Variants in SH3GL2 observed in about 807,000 individuals in gnomAD.
The protein encoded by SH3GL2 is endophilin-A1.
Under a neutral mutation model 46.0 loss-of-function variants are expected in SH3GL2, and 24 were observed. That is an observed-to-expected ratio of 0.52 (90% confidence interval 0.38 to 0.73). The LOEUF (loss-of-function observed/expected upper bound fraction) is 0.73, where lower values mean the gene tolerates loss of function less well. Ranked by LOEUF, SH3GL2 falls within the 30% of genes least tolerant of loss-of-function variation. SH3GL2 has a pLI of 0.00. For missense variants in SH3GL2, 413 were observed against 424.2 expected, an observed-to-expected ratio of 0.97 and a Z score of 0.23; for synonymous variants, 196 against 147.1, an observed-to-expected ratio of 1.33 and a Z score of -2.40.
At position 17,750,244 on chromosome 9, in the gene SH3GL2, T is replaced by C. The variant is rs564632504; in HGVS notation, c.114+3110T>C. Among the ~76,000 whole-genome samples, 4 of 152,192 alleles carry C rather than the reference T, an allele frequency of 2.6e-5. No homozygotes were observed. The East Asian group carries it at 5.8e-4, about 22-fold the overall frequency. ...TCCCAAGCAGACAGAAGAATTGCCTTTCCATAGTTTGTTTTCTGCTCGTCA... is the reference window on the plus strand; with the variant it reads ...TCCCAAGCAGACAGAAGAATTGCCTCTCCATAGTTTGTTTTCTGCTCGTCA... On this transcript the variant is annotated intron_variant, in intron 2 of 8. Coordinates refer to ENST00000380607, the MANE Select transcript of SH3GL2 (RefSeq NM_003026.5).
At chr9:17,601,362 C>G (rs897124608) in intron 1 of SH3GL2, among the ~76,000 whole-genome samples, 13 of 152,036 alleles carry the variant, frequency 8.6e-5, no homozygotes, top group African/African-American at 3.1e-4. Flanking sequence ...AAGCAGCTTG[C>G]TGCTTTCCAT....
At position 17,659,228 on chromosome 9, in the gene SH3GL2, C is replaced by T. The variant is rs151182774; in HGVS notation, c.45+79941C>T. On this transcript the variant is annotated intron_variant, in intron 1 of 8. Coordinates refer to ENST00000380607, the MANE Select transcript of SH3GL2 (RefSeq NM_003026.5). ...GGGATCCCATATTATAGAGAAAGTC[C>T]ATTTGGCTCTCTTCCCCATCTCAGA... 5.4e-3 allele frequency among the ~76,000 whole-genome samples: 828 copies of T among 152,274 alleles called. 9 individuals are homozygous for T. The highest frequency in any genetic ancestry group is 0.019 in the African/African-American group (788 of 41,566).
At chr9:17,612,779 C>A (rs925757199) in intron 1 of SH3GL2, among the ~76,000 whole-genome samples, 1 of 152,142 alleles carries the variant, frequency 6.6e-6, no homozygotes, top group Admixed American at 6.5e-5. Context: ...AATTTTGGAA[C>A]GTTTTTACAC....
rs1469526352 is a variant in SH3GL2 at position 17,793,485 on chromosome 9, C to G, written c.847C>G (p.Pro283Ala). 6.2e-7 allele frequency: 1 copy of G among 1,613,212 alleles called. No homozygotes were observed. Among genetic ancestry groups the G allele is most frequent in the Admixed American group, 1.7e-5 (1 of 59,836 alleles). ...TGGGGGTCTCTCCCACACAGGCACTCCCAAACCTTCAGGTAAGAGCTGAAA... is the reference window on the plus strand; with the variant it reads ...TGGGGGTCTCTCCCACACAGGCACTGCCAAACCTTCAGGTAAGAGCTGAAA... ...PNGGLSHTGTPKPSGVQMDQP... is the reference protein window; with the variant it reads ...PNGGLSHTGTAKPSGVQMDQP... The change falls in exon 8 of 9, where the codon CCC becomes GCC. Residue 283 changes from proline to alanine, a missense_variant. By Grantham distance (27) the Pro-to-Ala change is conservative (BLOSUM62 -1). Transcript: ENST00000380607.
At chr9:17,771,516 C>T (rs1350367921) in intron 3 of SH3GL2, among the ~76,000 whole-genome samples, 4 of 152,172 alleles carry the variant, frequency 2.6e-5, no homozygotes. Flanking sequence ...TATTTACCAC[C>T]ACCCTCTATT....
intron 3 of SH3GL2, among the ~76,000 whole-genome samples, chr9:17,773,620 G>A (rs1823557910): frequency 6.6e-6 from 1 of 152,226 alleles, no homozygotes; most frequent in South Asian, 2.1e-4. Flanking sequence ...GACCGTGTAT[G>A]CAAGAGTTTA....
chr9:17,650,474 C>A (rs1158291051), intron 1 of SH3GL2, among the ~76,000 whole-genome samples: 1 of 152,058 alleles, frequency 6.6e-6, no homozygotes, highest in Non-Finnish European at 1.5e-5. Context: ...CGGGTTCAAG[C>A]GATTCTCCTG....
Position 17,661,791 on chromosome 9 carries a change from T to TA in SH3GL2, c.45+82508dup, listed in dbSNP as rs1820222958. 2.0e-5 allele frequency among the ~76,000 whole-genome samples: 3 copies of TA among 152,242 alleles called. No individual in the cohort carries two copies. The South Asian group carries it at 6.2e-4, about 32-fold the overall frequency. ...ATAGTATAGTGGAAACTACAGTCTT[T>TA]AAAATCAGATAGTCCTGAATATAAA... On this transcript the variant is annotated intron_variant, in intron 1 of 8. Coordinates refer to ENST00000380607, the MANE Select transcript of SH3GL2 (RefSeq NM_003026.5).
intron 1 of SH3GL2, among the ~76,000 whole-genome samples, chr9:17,712,591 C>G (rs994530667): frequency 1.3e-5 from 2 of 151,862 alleles, no homozygotes; most frequent in African/African-American, 4.8e-5. Flanking sequence ...TATTGCCTTT[C>G]TATCTCTGCA....
chr9:17,599,425 A>C (rs1818629264), intron 1 of SH3GL2, among the ~76,000 whole-genome samples: 1 of 152,238 alleles, frequency 6.6e-6, no homozygotes, highest in Non-Finnish European at 1.5e-5. Flanking sequence ...GCCAAATGGC[A>C]CTGTATTTCC....
At chr9:17,724,406 G>A (rs1226070625) in intron 1 of SH3GL2, among the ~76,000 whole-genome samples, 1 of 152,040 alleles carries the variant, frequency 6.6e-6, no homozygotes, top group African/African-American at 2.4e-5. Flanking sequence ...ACTTCCGTAG[G>A]CATGGTTTTC....
intron 1 of SH3GL2, among the ~76,000 whole-genome samples, chr9:17,716,322 G>C (rs1214893127): frequency 6.6e-6 from 1 of 151,998 alleles, no homozygotes; most frequent in Non-Finnish European, 1.5e-5. Flanking sequence ...AACAGTTCTT[G>C]GTCTTTGTTC....
intron 3 of SH3GL2, among the ~76,000 whole-genome samples, chr9:17,786,019 A>G (rs146186066): frequency 5.8e-4 from 88 of 152,272 alleles, no homozygotes; most frequent in African/African-American, 2.0e-3. Context: ...ACATAATTCG[A>G]GAGTTTGTAA....
chr9:17,581,781 C>T (rs148618134), intron 1 of SH3GL2, among the ~76,000 whole-genome samples: 1 of 152,174 alleles, frequency 6.6e-6, no homozygotes, highest in African/African-American at 2.4e-5. Flanking sequence ...ATACTGCAAC[C>T]TCTGCCTCCT....
At position 17,645,182 on chromosome 9, in the gene SH3GL2, T is replaced by TTTTTTTTTTTTTTA. The variant is rs1819781790; in HGVS notation, c.45+65895_45+65896insTTTTTTTTTTTTTA. 6.7e-4 allele frequency among the ~76,000 whole-genome samples: 49 copies of TTTTTTTTTTTTTTA among 72,738 alleles called. 2 individuals are homozygous for TTTTTTTTTTTTTTA. Among genetic ancestry groups the TTTTTTTTTTTTTTA allele is most frequent in the South Asian group, 2.3e-3 (4 of 1,766 alleles). The allele number at this position is 72,738 out of a possible 152,430, so 47.7% of individuals were successfully genotyped here. Reference sequence around the variant, plus strand: ...TTTTTTTTTTTTTTTTTTTTTTTTTTGCTTTCCATTGCTTGGTAAATCTTC... The same window carrying TTTTTTTTTTTTTTA: ...TTTTTTTTTTTTTTTTTTTTTTTTTTTTTTTTTTTTTTTAGCTTTCCATTGCTTGGTAAATCTTC... On this transcript the variant is annotated intron_variant, in intron 1 of 8. Transcript: ENST00000380607.
At chr9:17,612,164 C>T (rs1677973412) in intron 1 of SH3GL2, among the ~76,000 whole-genome samples, 1 of 152,056 alleles carries the variant, frequency 6.6e-6, no homozygotes, top group African/African-American at 2.4e-5. Context: ...GCCTGTCTGT[C>T]CTCTCTCTCT....
At chr9:17,650,395 G>A (rs776588475) in intron 1 of SH3GL2, among the ~76,000 whole-genome samples, 4 of 151,836 alleles carry the variant, frequency 2.6e-5, no homozygotes, top group Admixed American at 6.6e-5. Context: ...TTTTTAAGAC[G>A]GAGTCTCGCT....
At chr9:17,774,847 TG>T (rs1176907127) in intron 3 of SH3GL2, among the ~76,000 whole-genome samples, 2 of 152,160 alleles carry the variant, frequency 1.3e-5, no homozygotes, top group Non-Finnish European at 2.9e-5. Flanking sequence ...TGGAAAAGTT[TG>T]AGGAGAGTTG....
chr9:17,620,289 C>T (rs184321102), intron 1 of SH3GL2, among the ~76,000 whole-genome samples: 52 of 152,216 alleles, frequency 3.4e-4, no homozygotes, highest in African/African-American at 1.0e-3. Flanking sequence ...GGATCTGCTA[C>T]GCACCATACA....
Sources: gnomAD v4.1 joint callset for allele counts (sites outside exome capture counted in the v4.1 genomes callset) on GRCh38, gnomAD v4.1.1 for gene constraint, MANE v1.5 for transcripts, NCBI Gene and HGNC (gene_info 2026-07-23, HGNC 2026-07-21) for gene names.